Variants in ANKMY2 observed in about 807,000 individuals in gnomAD.
ANKMY2 encodes the protein ankyrin repeat and MYND domain containing 2.
Under a neutral mutation model 50.4 loss-of-function variants are expected in ANKMY2, and 36 were observed. That is an observed-to-expected ratio of 0.71 (90% CI 0.55 to 0.94). ANKMY2 has a LOEUF of 0.94. Ranked by LOEUF, ANKMY2 falls within the 40% of genes least tolerant of loss-of-function variation. The probability of loss-of-function intolerance (pLI) is 0.00; values close to 1 mark genes in which losing one functional copy is unlikely to be tolerated. For missense variants in ANKMY2, 565 were observed against 524.0 expected (o/e 1.08, Z -0.76); for synonymous variants, 187 against 178.8 (o/e 1.05, Z -0.36).
At chr7:16,621,574 A>G (rs1781435957) in intron 4 of ANKMY2, among the ~76,000 whole-genome samples, 1 of 152,234 alleles carries the variant, frequency 6.6e-6, no homozygotes, top group African/African-American at 2.4e-5. Context: ...ATAAAAAATA[A>G]CTGAAGGATA....
intron 5 of ANKMY2, among the ~76,000 whole-genome samples, chr7:16,614,293 C>T (rs1781305684): frequency 6.6e-6 from 1 of 152,208 alleles, no homozygotes; most frequent in Non-Finnish European, 1.5e-5. Context: ...TCTAAGCCCT[C>T]TGTAATCTCC....
At chr7:16,609,886 A>G (rs1205686597) in intron 6 of ANKMY2, 121 bp from the exon 7 acceptor site, 4 of 1,217,624 alleles carry the variant, frequency 3.3e-6, no homozygotes, top group South Asian at 2.8e-5. Context: ...TCTTCAAATC[A>G]TGATGACGGG....
At chr7:16,629,260 G>T (rs550908495) in intron 2 of ANKMY2, among the ~76,000 whole-genome samples, 13 of 152,218 alleles carry the variant, frequency 8.5e-5, no homozygotes, top group Non-Finnish European at 1.3e-4. Context: ...TATCGGCCAG[G>T]CACAGTGGCT....
At chr7:16,616,557 G>A (rs1781352821) in intron 4 of ANKMY2, among the ~76,000 whole-genome samples, 3 of 127,440 alleles carry the variant, frequency 2.4e-5, no homozygotes, top group South Asian at 2.7e-4. Flanking sequence ...TGGTTTGCAA[G>A]TGTGCTCCTG....
At chr7:16,640,173 AT>A (rs1239971395) in intron 1 of ANKMY2, among the ~76,000 whole-genome samples, 3 of 152,284 alleles carry the variant, frequency 2.0e-5, no homozygotes, top group Admixed American at 6.5e-5. Flanking sequence ...TCTCAAAAAA[AT>A]AAGTAAATAA....
intron 1 of ANKMY2, among the ~76,000 whole-genome samples, chr7:16,641,241 G>GACAC (rs35547819): frequency 4.3e-4 from 65 of 150,250 alleles, no homozygotes; most frequent in Admixed American, 8.0e-4. Flanking sequence ...CTCACACACA[G>GACAC]ACACACACAC....
Position 16,627,115 on chromosome 7 carries a change from G to A in ANKMY2, c.196C>T (p.Leu66=), listed in dbSNP as rs1173070548. The change falls in exon 3 of 10, where the codon CTG becomes TTG. Residue 66 remains leucine (L), a synonymous_variant. Transcript: ENST00000306999. ...KGKLDMCKLL[L]RHGADVNCHQ... ...CAATTTACATCGGCTCCATGTCGCA[G>A]TAGTAATTTGCACATATCGAGTTTT... 2 of 1,612,490 alleles carry A rather than the reference G, an allele frequency of 1.2e-6. No homozygotes were observed. The highest frequency in any genetic ancestry group is 2.2e-5 in the South Asian group (2 of 90,930).
chr7:16,636,341 A>AAAAAT, intron 2 of ANKMY2, 50 bp downstream of exon 2: 3 of 691,336 alleles, frequency 4.3e-6, no homozygotes, highest in Non-Finnish European at 7.1e-6. Context: ...AGGATATATT[A>AAAAAT]TCTCTTCTTA....
chr7:16,618,948 C>A (rs1468430887), intron 4 of ANKMY2, among the ~76,000 whole-genome samples: 1 of 152,162 alleles, frequency 6.6e-6, no homozygotes, highest in African/African-American at 2.4e-5. Flanking sequence ...CAAAATAGCT[C>A]ATCAAAAGTA....
At chr7:16,610,156 A>AACACAC (rs1781223975) in intron 6 of ANKMY2, among the ~76,000 whole-genome samples, 1 of 152,208 alleles carries the variant, frequency 6.6e-6, no homozygotes, top group Non-Finnish European at 1.5e-5. Context: ...GAAGCAGCAT[A>AACACAC]ACACACAGCT....
chr7:16,644,602 C>T, intron 1 of ANKMY2: 1 of 440,344 alleles, frequency 2.3e-6, no homozygotes, highest in African/African-American at 2.1e-5. Flanking sequence ...TTAAAATCAC[C>T]ACATTAATTG....
intron 2 of ANKMY2, among the ~76,000 whole-genome samples, chr7:16,633,664 T>C (rs1169084318): frequency 6.6e-6 from 1 of 152,206 alleles, no homozygotes; most frequent in Non-Finnish European, 1.5e-5. Flanking sequence ...ACAATTTCCG[T>C]TATAAAATAG....
intron 4 of ANKMY2, among the ~76,000 whole-genome samples, chr7:16,621,216 G>A (rs1028435811): frequency 6.6e-5 from 10 of 152,246 alleles, no homozygotes; most frequent in Admixed American, 1.3e-4. Context: ...TTCTTACCAT[G>A]TGGACAGTAA....
chr7:16,604,743 T>C lies in ANKMY2; in HGVS notation c.989A>G (p.Lys330Arg). The C allele has an allele frequency of 6.2e-7, 1 of 1,613,946 alleles. No homozygotes were observed. Among genetic ancestry groups the C allele is most frequent in the South Asian group, 1.1e-5 (1 of 91,054 alleles). ...TACCATTTTGCAAACTGAACATCTT[T>C]TACTTGCTCCCTTTTCTCCACAGGT... ...CTTCGEKGASKRCSVCKMVIY... is the reference protein window; with the variant it reads ...CTTCGEKGASRRCSVCKMVIY... The change falls in exon 8 of 10, where the codon AAA becomes AGA. Residue 330 changes from lysine to arginine, a missense_variant. Lys to Arg is a conservative substitution (Grantham distance 26, BLOSUM62 2). Transcript: ENST00000306999.
In ANKMY2 at chr7:16,615,841, G is replaced by T. The variant is rs780691663; in HGVS notation, c.434C>A (p.Thr145Asn). Residue 145 changes from threonine to asparagine, a missense_variant, in exon 5 of 10, where the codon ACT (threonine) becomes AAT (asparagine). Coordinates refer to ENST00000306999, the MANE Select transcript of ANKMY2 (RefSeq NM_020319.3). ...FFPRERLDYY[T>N]KPQGLDKEPK... ...CTCTTTATCCAGTCCCTGGGGCTTA[G>T]TGTAATAATCCAGTCTCTCTCGAGG... 3.1e-6 allele frequency: 5 copies of T among 1,614,036 alleles called. No homozygotes were observed. The highest frequency in any genetic ancestry group is 4.2e-6 in the Non-Finnish European group (5 of 1,180,042).
intron 9 of ANKMY2, 61 bp from the exon 10 acceptor site, chr7:16,601,006 C>T: frequency 7.7e-7 from 1 of 1,304,108 alleles, no homozygotes. Context: ...CTTCTCAATG[C>T]TTTACATGTA....
chr7:16,618,865 G>A (rs74805705), intron 4 of ANKMY2, among the ~76,000 whole-genome samples: 33,066 of 152,090 alleles, frequency 0.22, 4,199 homozygotes, highest in Middle Eastern at 0.3. Context: ...AACCGCACAT[G>A]CTTCCTTAAA....
intron 7 of ANKMY2, among the ~76,000 whole-genome samples, chr7:16,607,590 A>T (rs1397965915): frequency 1.3e-5 from 2 of 151,778 alleles, no homozygotes; most frequent in African/African-American, 4.8e-5. Flanking sequence ...AAATAATAAT[A>T]ATTATACTCT....
chr7:16,637,068 A>G (rs1781672696), intron 1 of ANKMY2, among the ~76,000 whole-genome samples: 1 of 152,190 alleles, frequency 6.6e-6, no homozygotes, highest in African/African-American at 2.4e-5. Flanking sequence ...ATTGGGCCAA[A>G]GTTGTCAGGT....
Sources: allele counts gnomAD v4.1 joint callset (sites outside exome capture counted in the v4.1 genomes callset), GRCh38; gene constraint gnomAD v4.1.1; transcripts MANE v1.5; gene names NCBI Gene and HGNC (gene_info 2026-07-23, HGNC 2026-07-21).